ABCA13: variants seen among roughly 807,000 people sequenced by gnomAD.
ABCA13 encodes ATP-binding cassette sub-family A member 13.
Under a neutral mutation model 478.7 loss-of-function variants are expected in ABCA13, and 476 were observed. That is an observed-to-expected ratio of 0.99 (90% CI 0.92 to 1.07). The LOEUF is 1.07. ABCA13 is among the 50% of genes least tolerant of loss of function. The probability of loss-of-function intolerance (pLI) is 0.00; values close to 1 mark genes in which losing one functional copy is unlikely to be tolerated. For synonymous variants in ABCA13, 2,252 were observed against 2,158.9 expected, an observed-to-expected ratio of 1.04 and a Z score of -1.20; for missense variants, 6,060 against 5,910.6, an observed-to-expected ratio of 1.03 and a Z score of -0.83.
intron 2 of ABCA13, among the ~76,000 whole-genome samples, chr7:48,194,178 C>G (rs371399758): frequency 0.11 from 2 of 18 alleles, 1 homozygote; most frequent in African/African-American, 0.17. Flanking sequence ...GATGATGATG[C>G]TGATAGTGAT....
chr7:48,626,346 CA>C (rs1793666877), intron 59 of ABCA13, among the ~76,000 whole-genome samples: 1 of 152,040 alleles, frequency 6.6e-6, no homozygotes, highest in South Asian at 2.1e-4. Flanking sequence ...TATGCTTAGC[CA>C]GCTAATCAAC....
chr7:48,513,293 T>G (rs1831850844), intron 51 of ABCA13, among the ~76,000 whole-genome samples: 2 of 152,184 alleles, frequency 1.3e-5, no homozygotes, highest in African/African-American at 4.8e-5. Context: ...GAATAAGGGA[T>G]AGTATACACG....
chr7:48,469,824 G>GATTCTCCCAGCTACT (rs1827280758), intron 44 of ABCA13, among the ~76,000 whole-genome samples: 1 of 151,938 alleles, frequency 6.6e-6, no homozygotes, highest in Non-Finnish European at 1.5e-5. Flanking sequence ...GGAGGCTGAG[G>GATTCTCCCAGCTACT]CAGGAGAATC....
chr7:48,171,948 C>T (rs766210624), intron 1 of ABCA13, among the ~76,000 whole-genome samples: 11 of 152,200 alleles, frequency 7.2e-5, no homozygotes, highest in African/African-American at 9.7e-5. Context: ...GTACTGACTC[C>T]GAAGCACAAG....
intron 41 of ABCA13, among the ~76,000 whole-genome samples, chr7:48,420,975 C>T (rs1480979380): frequency 6.6e-6 from 1 of 152,102 alleles, no homozygotes; most frequent in African/African-American, 2.4e-5. Flanking sequence ...ACGTATTTTG[C>T]ACAATGAGCC....
At chr7:48,467,232 G>A (rs534093429) in intron 44 of ABCA13, among the ~76,000 whole-genome samples, 187 bp downstream of exon 44, 50 of 152,176 alleles carry the variant, frequency 3.3e-4, no homozygotes, top group African/African-American at 1.1e-3. Context: ...AAAATGATCC[G>A]AAATAAGCTT....
At chr7:48,288,111 T>C (rs576202360) in intron 20 of ABCA13, 33 bp downstream of exon 20, 1 of 1,582,632 alleles carries the variant, frequency 6.3e-7, no homozygotes, top group East Asian at 2.2e-5. Context: ...GAGAATTTCA[T>C]GTTCATGACT....
intron 5 of ABCA13, among the ~76,000 whole-genome samples, chr7:48,222,921 A>G (rs752130992): frequency 1.2e-4 from 18 of 152,168 alleles, no homozygotes; most frequent in South Asian, 6.2e-4. Context: ...GAGCCCACGT[A>G]GGGAATCAGC....
At chr7:48,403,939 T>A in intron 39 of ABCA13, 60 bp downstream of exon 39, 1 of 1,539,204 alleles carries the variant, frequency 6.5e-7, no homozygotes, top group African/African-American at 1.4e-5. Context: ...AGGAAATGCA[T>A]TGCTACTGTA....
intron 7 of ABCA13, among the ~76,000 whole-genome samples, chr7:48,232,156 T>TTTTTTTTTA: frequency 7.1e-6 from 1 of 140,458 alleles, no homozygotes; most frequent in Non-Finnish European, 1.5e-5. Context: ...TTTTTTTTTT[T>TTTTTTTTTA]TTTTTTTTAG....
Position 48,296,995 on chromosome 7 carries a change from T to C in ABCA13, c.9120-237T>C, listed in dbSNP as rs146871173. 9.8e-5 allele frequency among the ~76,000 whole-genome samples: 15 copies of C among 152,332 alleles called. No homozygotes were observed. In the East Asian group the frequency reaches 2.9e-3, roughly 29 times the overall value. On this transcript the variant is annotated intron_variant, in intron 21 of 61. Coordinates refer to ENST00000435803, the MANE Select transcript of ABCA13 (RefSeq NM_152701.5). ...TTATTATGCATCCTCATTCCCCTGGTTCATCTCGGTTGGCAGGAGCTCTGA... is the reference window on the plus strand; with the variant it reads ...TTATTATGCATCCTCATTCCCCTGGCTCATCTCGGTTGGCAGGAGCTCTGA...
intron 41 of ABCA13, among the ~76,000 whole-genome samples, chr7:48,417,459 C>A (rs17630775): frequency 0.051 from 7,825 of 152,240 alleles, 223 homozygotes; most frequent in East Asian, 0.059. Context: ...TTCATCACTT[C>A]CTGTCGGGGA....
rs1327540581 is a variant in ABCA13, at chr7:48,646,280, T to C, written c.*768T>C. On this transcript the variant is annotated 3_prime_UTR_variant, in exon 62 of 62. Coordinates refer to ENST00000435803, the MANE Select transcript of ABCA13 (RefSeq NM_152701.5). ...TCTTCATTTGGATGAATAATTACTG[T>C]TTTTTGTTATTCTAAGTCAGTGTTT... 6.6e-6 allele frequency: 1 copy of C among 152,074 alleles called. No homozygotes were observed. The highest frequency in any genetic ancestry group is 1.5e-5 in the Non-Finnish European group (1 of 68,042). The allele number at this position is 152,074 out of a possible 1,614,324, so 9.4% of individuals were successfully genotyped here.
rs538264921 is a variant in ABCA13, at chr7:48,636,982, T to C, written c.14838-6306T>C. On this transcript the variant is annotated intron_variant, in intron 59 of 61. Coordinates refer to ENST00000435803, the MANE Select transcript of ABCA13 (RefSeq NM_152701.5). The stretch of plus-strand genomic sequence containing the variant: ...TTTTCTTATTATTACATTATTTATT[T>C]AAGGGCTGTATTACATGGGATCTGA... Among the ~76,000 whole-genome samples, 311 of 152,270 alleles carry C rather than the reference T, an allele frequency of 2.0e-3. 1 individual carries two copies. Among genetic ancestry groups the C allele is most frequent in the Admixed American group, 3.8e-3 (58 of 15,300 alleles).
At chr7:48,410,134 A>G (rs1266361814) in intron 39 of ABCA13, among the ~76,000 whole-genome samples, 6 of 148,144 alleles carry the variant, frequency 4.1e-5, no homozygotes, top group African/African-American at 9.9e-5. Context: ...GGACTTTAGT[A>G]TCTGAGGAGA....
chr7:48,353,175 T>G (rs928318320), intron 31 of ABCA13, among the ~76,000 whole-genome samples: 3 of 151,658 alleles, frequency 2.0e-5, no homozygotes, highest in African/African-American at 4.9e-5. Context: ...CTTGGCAGGT[T>G]CAGACAATGA....
chr7:48,280,053 G>C, intron 18 of ABCA13, 133 bp downstream of exon 18: 1 of 979,488 alleles, frequency 1.0e-6, no homozygotes, highest in East Asian at 3.0e-5. Flanking sequence ...TCTGAAGTTG[G>C]CTTCAACATA....
At chr7:48,325,712 G>T (rs922796339) in intron 27 of ABCA13, among the ~76,000 whole-genome samples, 8 of 152,162 alleles carry the variant, frequency 5.3e-5, no homozygotes, top group African/African-American at 1.9e-4. Flanking sequence ...AGTAATGGTG[G>T]ATTGGTTATC....
At chr7:48,411,978 A>G (rs1819320047) in intron 40 of ABCA13, among the ~76,000 whole-genome samples, 1 of 151,528 alleles carries the variant, frequency 6.6e-6, no homozygotes, top group Non-Finnish European at 1.5e-5. Flanking sequence ...CCCTTTTAAG[A>G]CTCCTTCAAC....
Sources: allele counts gnomAD v4.1 joint callset (sites outside exome capture counted in the v4.1 genomes callset), GRCh38; gene constraint gnomAD v4.1.1; transcripts MANE v1.5; gene names NCBI Gene and HGNC (gene_info 2026-07-23, HGNC 2026-07-21).